Variants in CREBBP observed in about 807,000 individuals in gnomAD.
CREBBP encodes the protein CREB binding lysine acetyltransferase.
In CREBBP, 19 loss-of-function variants were observed where a neutral mutation model predicts 265.0. That is an observed-to-expected ratio of 0.07 (90% CI 0.05 to 0.11). The LOEUF (loss-of-function observed/expected upper bound fraction) is 0.11. CREBBP is among the 10% of genes least tolerant of loss of function. CREBBP has a pLI of 1.00. For synonymous variants in CREBBP, 1,457 were observed against 1,223.7 expected (o/e 1.19, Z -3.98); for missense variants, 2,525 against 3,219.0 (o/e 0.78, Z 5.22).
At position 3,810,919 on chromosome 16, in the gene CREBBP, C is replaced by T. The variant is rs190855987; in HGVS notation, c.799-140G>A. 6.0e-6 allele frequency: 5 copies of T among 838,442 alleles called. No individual in the cohort carries two copies. In the African/African-American group the frequency reaches 6.7e-5, roughly 11 times the overall value. The allele number at this position is 838,442 out of a possible 1,614,324, so 51.9% of individuals were successfully genotyped here. On this transcript the variant is annotated intron_variant, in intron 2 of 30. Coordinates refer to ENST00000262367, the MANE Select transcript of CREBBP (RefSeq NM_004380.3). The stretch of plus-strand genomic sequence containing the variant: ...GGTTCATTATCAGGTTCACATGCTC[C>T]AAGCAGAAGGCTCATGAAGCAGCTC...
At chr16:3,833,241 C>T (rs549278325) in intron 2 of CREBBP, among the ~76,000 whole-genome samples, 5 of 152,302 alleles carry the variant, frequency 3.3e-5, no homozygotes, top group East Asian at 1.9e-4. Context: ...GGTGAAACCC[C>T]GTATCTACTA....
At chr16:3,741,129 CT>C (rs1390677696) in intron 23 of CREBBP, 1 of 168,090 alleles carries the variant, frequency 5.9e-6, no homozygotes, top group East Asian at 1.6e-4. Context: ...CGAGGGCAGC[CT>C]TTCCTGGGCT....
At chr16:3,851,304 A>AT (rs2054830411) in intron 1 of CREBBP, among the ~76,000 whole-genome samples, 5 of 139,486 alleles carry the variant, frequency 3.6e-5, no homozygotes, top group East Asian at 2.1e-4. Context: ...AAAAAAAAAA[A>AT]TTAAAAAAAA....
Position 3,774,557 on chromosome 16 carries a change from G to A in CREBBP, c.2283+12C>T, listed in dbSNP as rs776626130. The A allele has an allele frequency of 2.5e-6, 4 of 1,614,074 alleles. No individual in the cohort carries two copies. Among genetic ancestry groups the A allele is most frequent in the Admixed American group, 3.3e-5 (2 of 60,010 alleles). ...GAGGGCTATCTGCAGCACAGCGAAAGAGAACACTTACCCCTGGCACTGAGC... is the reference window on the plus strand; with the variant it reads ...GAGGGCTATCTGCAGCACAGCGAAAAAGAACACTTACCCCTGGCACTGAGC... On this transcript the variant is annotated intron_variant, in intron 12 of 30. Transcript: ENST00000262367.
intron 2 of CREBBP, among the ~76,000 whole-genome samples, chr16:3,821,426 C>T (rs915266462): frequency 1.3e-5 from 2 of 152,204 alleles, no homozygotes; most frequent in African/African-American, 2.4e-5. Context: ...GGAGCAAGGT[C>T]TTCCATCCCC....
chr16:3,777,139 T>C (rs2053160070), intron 11 of CREBBP, among the ~76,000 whole-genome samples: 2 of 151,888 alleles, frequency 1.3e-5, no homozygotes, highest in Non-Finnish European at 2.9e-5. Flanking sequence ...ATCAAGACCA[T>C]CCTGGCTAAC....
At chr16:3,764,738 C>T (rs2052806090) in intron 16 of CREBBP, among the ~76,000 whole-genome samples, 1 of 151,924 alleles carries the variant, frequency 6.6e-6, no homozygotes, top group African/African-American at 2.4e-5. Flanking sequence ...CATGCACCAC[C>T]ACACTTGGCT....
At chr16:3,796,792 T>C (rs547168504) in intron 3 of CREBBP, among the ~76,000 whole-genome samples, 13 of 152,248 alleles carry the variant, frequency 8.5e-5, no homozygotes, top group Admixed American at 1.3e-4. Context: ...GTTATTTGTC[T>C]ACCTCTGGAT....
intron 19 of CREBBP, among the ~76,000 whole-genome samples, chr16:3,752,616 G>A (rs1259523068): frequency 6.6e-6 from 1 of 152,058 alleles, no homozygotes; most frequent in Admixed American, 6.5e-5. Context: ...GTGATATATT[G>A]TATAAGAAAT....
chr16:3,851,582 T>G (rs1047232472), intron 1 of CREBBP, among the ~76,000 whole-genome samples: 2 of 152,114 alleles, frequency 1.3e-5, no homozygotes, highest in Non-Finnish European at 2.9e-5. Flanking sequence ...TGGCCGGGCA[T>G]GGTGGCTCAA....
At chr16:3,755,045 C>T (rs768831429) in intron 19 of CREBBP, among the ~76,000 whole-genome samples, 6 of 152,230 alleles carry the variant, frequency 3.9e-5, no homozygotes, top group African/African-American at 1.2e-4. Flanking sequence ...GCTACGCCTA[C>T]GCTTTAAAAA....
rs766511815 is a variant in CREBBP at position 3,778,756 on chromosome 16, G to A, written c.1885C>T (p.Leu629=). Residue 629 remains leucine, a synonymous_variant, in exon 9 of 31, where the codon CTG becomes TTG. Transcript: ENST00000262367. ...AALKDRRMEN[L]VAYAKKVEGD... ...TCCACTTTCTTAGCATAGGCTACCA[G>A]GTTTTCCATGCGGCGATCCTTTAGA... 2 of 1,613,998 alleles carry A rather than the reference G, an allele frequency of 1.2e-6. No individual in the cohort carries two copies. Among genetic ancestry groups the A allele is most frequent in the South Asian group, 2.2e-5 (2 of 91,086 alleles).
chr16:3,777,118 G>A (rs532526671), intron 11 of CREBBP, among the ~76,000 whole-genome samples: 5 of 151,788 alleles, frequency 3.3e-5, no homozygotes, highest in African/African-American at 1.2e-4. Flanking sequence ...TGAGGTGGAC[G>A]GATCACGGAG....
At chr16:3,763,053 G>C (rs1048954612) in intron 16 of CREBBP, among the ~76,000 whole-genome samples, 1 of 148,844 alleles carries the variant, frequency 6.7e-6, no homozygotes, top group Non-Finnish European at 1.5e-5. Context: ...TGATTATAGG[G>C]GTGAGCCACC....
chr16:3,800,767 G>T, intron 3 of CREBBP, among the ~76,000 whole-genome samples: 1 of 152,078 alleles, frequency 6.6e-6, no homozygotes, highest in East Asian at 1.9e-4. Flanking sequence ...AGAGAAAAAA[G>T]AACAAAAGCC....
chr16:3,756,467 T>C (rs2052589018), intron 19 of CREBBP, among the ~76,000 whole-genome samples: 1 of 152,238 alleles, frequency 6.6e-6, no homozygotes. Flanking sequence ...TCTCTACCTA[T>C]TTTAAGACAG....
At chr16:3,879,783 G>A (rs368472504) in intron 1 of CREBBP, 49 bp downstream of exon 1, 3 of 1,534,938 alleles carry the variant, frequency 2.0e-6, no homozygotes, top group East Asian at 2.4e-5. Flanking sequence ...CTTTCAGGTG[G>A]GGGTGACAGC....
At chr16:3,759,672 GC>G (rs1168174279) in intron 16 of CREBBP, among the ~76,000 whole-genome samples, 2 of 151,952 alleles carry the variant, frequency 1.3e-5, no homozygotes, top group African/African-American at 4.8e-5. Context: ...TTAAATTCAG[GC>G]CACTGGAGAC....
chr16:3,782,156 C>A (rs1286342920), intron 6 of CREBBP, among the ~76,000 whole-genome samples: 1 of 152,146 alleles, frequency 6.6e-6, no homozygotes, highest in East Asian at 1.9e-4. Context: ...TGTGAGCAAA[C>A]GATCAAAGGC....
Sources: gnomAD v4.1 joint callset for allele counts (sites outside exome capture counted in the v4.1 genomes callset) on GRCh38, gnomAD v4.1.1 for gene constraint, MANE v1.5 for transcripts, NCBI Gene and HGNC (gene_info 2026-07-23, HGNC 2026-07-21) for gene names.